The following CELF2 variants were observed in gnomAD, a reference collection of about 807,000 sequenced individuals.
The protein encoded by CELF2 is CUG triplet repeat RNA-binding protein 2.
In CELF2, 8 loss-of-function variants were observed where a neutral mutation model predicts 62.6. That is an observed-to-expected ratio of 0.13 (90% confidence interval 0.07 to 0.23). CELF2 has a LOEUF of 0.23. CELF2 is among the 10% of genes least tolerant of loss of function. The pLI is 1.00. For missense variants in CELF2, 333 were observed against 671.0 expected (o/e 0.50, Z 5.56); for synonymous variants, 258 against 250.0 (o/e 1.03, Z -0.30).
At chr10:10,623,017 C>T in the CELF2 span, among the ~76,000 whole-genome samples, 1 of 133,310 alleles carries the variant, frequency 7.5e-6, no homozygotes, top group African/African-American at 2.8e-5. Flanking sequence ...ACCCGGGAGG[C>T]GGAGCTTGCA....
At chr10:10,730,804 A>G in the CELF2 span, among the ~76,000 whole-genome samples, 2 of 152,182 alleles carry the variant, frequency 1.3e-5, no homozygotes, top group Admixed American at 1.3e-4. Flanking sequence ...GGGCCAGCTC[A>G]CTGCTAGTGG....
At chr10:10,647,859 C>G in the CELF2 span, among the ~76,000 whole-genome samples, 1 of 152,292 alleles carries the variant, frequency 6.6e-6, no homozygotes, top group Middle Eastern at 3.4e-3. Flanking sequence ...TTAGAAAACA[C>G]TAGTTTGCCA....
intron 1 of CELF2, among the ~76,000 whole-genome samples, chr10:11,094,294 CCAT>C (rs1347411348): frequency 6.6e-6 from 1 of 152,166 alleles, no homozygotes; most frequent in Non-Finnish European, 1.5e-5. Flanking sequence ...TTCTAAAATG[CCAT>C]CATTTGTAAG....
At chr10:10,596,860 C>G in the CELF2 span, among the ~76,000 whole-genome samples, 1 of 152,212 alleles carries the variant, frequency 6.6e-6, no homozygotes, top group Non-Finnish European at 1.5e-5. Flanking sequence ...TTCACCCTTG[C>G]TGTGAATGGA....
chr10:10,999,687 G>A (rs2054327685), intron 2 of CELF2, among the ~76,000 whole-genome samples: 1 of 152,190 alleles, frequency 6.6e-6, no homozygotes. Context: ...GGTCTCTCTT[G>A]CATTTCCGTC....
At chr10:10,942,703 G>A (rs1326256418) in intron 2 of CELF2, among the ~76,000 whole-genome samples, 2 of 152,200 alleles carry the variant, frequency 1.3e-5, no homozygotes, top group African/African-American at 2.4e-5. Context: ...CCAAGAGGTA[G>A]GGATCACTGG....
chr10:10,878,513 G>C (rs920542121), intron 1 of CELF2, among the ~76,000 whole-genome samples: 3 of 152,322 alleles, frequency 2.0e-5, no homozygotes, highest in African/African-American at 4.8e-5. Context: ...GGGGGCTTCT[G>C]TCTGCTCTTT....
the CELF2 span, among the ~76,000 whole-genome samples, chr10:10,628,439 T>C: frequency 1.3e-5 from 2 of 152,106 alleles, no homozygotes; most frequent in Non-Finnish European, 1.5e-5. Flanking sequence ...GTTTCCCCAA[T>C]TCTCCCCCAA....
chr10:11,220,377 G>C lies in CELF2; in HGVS notation c.354+2870G>C, dbSNP rs2064478135. Reference sequence around the variant, plus strand: ...CTTTCTTGAGGGACACAAAGAACTTGGTTAGTTAGGAAGCAGAAACAAGTT... The same window carrying C: ...CTTTCTTGAGGGACACAAAGAACTTCGTTAGTTAGGAAGCAGAAACAAGTT... On this transcript the variant is annotated intron_variant, in intron 3 of 12. Transcript: ENST00000633077. The surrounding 1 kb of genome is among the most constrained non-coding windows in gnomAD (Gnocchi z 4.4). Among the ~76,000 whole-genome samples the C allele has an allele frequency of 6.6e-6, 1 of 152,128 alleles. No homozygotes were observed. The highest frequency in any genetic ancestry group is 1.9e-4 in the East Asian group (1 of 5,200).
chr10:10,619,506 C>A, the CELF2 span, among the ~76,000 whole-genome samples: 3 of 152,268 alleles, frequency 2.0e-5, no homozygotes, highest in South Asian at 6.2e-4. Flanking sequence ...GTTGTGTTGG[C>A]GAACACACCA....
intron 1 of CELF2, among the ~76,000 whole-genome samples, chr10:10,813,114 C>G (rs1170693254): frequency 1.3e-5 from 2 of 152,320 alleles, no homozygotes; most frequent in East Asian, 3.9e-4. Flanking sequence ...TCCTCATTTT[C>G]TTTCAAGGCT....
the CELF2 span, among the ~76,000 whole-genome samples, chr10:10,766,117 G>GCACAGTTA: frequency 3.3e-5 from 5 of 152,320 alleles, no homozygotes; most frequent in African/African-American, 1.2e-4. Context: ...CTAACTTGGT[G>GCACAGTTA]GAAACTAAGA....
At chr10:11,025,427 C>T (rs914791361) in intron 1 of CELF2, among the ~76,000 whole-genome samples, 1 of 152,024 alleles carries the variant, frequency 6.6e-6, no homozygotes, top group Non-Finnish European at 1.5e-5. Flanking sequence ...AGCGAGTTCT[C>T]ACGAGATCCG....
chr10:10,616,340 A>G, the CELF2 span, among the ~76,000 whole-genome samples: 8 of 139,482 alleles, frequency 5.7e-5, no homozygotes, highest in South Asian at 1.7e-3. Context: ...GTGATTATCT[A>G]AAATTTTAGA....
In CELF2 at chr10:11,285,834, T is replaced by TTG. The variant is rs1182263396; in HGVS notation, c.842-2584_842-2583insTG. 5.0e-5 allele frequency among the ~76,000 whole-genome samples: 1 copy of TTG among 20,190 alleles called. No individual in the cohort carries two copies. Among genetic ancestry groups the TTG allele is most frequent in the African/African-American group, 1.7e-4 (1 of 6,042 alleles). The allele number at this position is 20,190 out of a possible 152,430, so 13.2% of individuals were successfully genotyped here. On this transcript the variant is annotated intron_variant, in intron 8 of 12. Transcript: ENST00000633077. This position sits in a 1 kb window ranked among gnomAD's most constrained non-coding sequence, Gnocchi z 4.3. ...CACCTACTATATATATTGGTGTGTG[T>TTG]GTGTGTGTGTGTGTGTGTGTGTGTG...
At position 11,068,186 on chromosome 10, in the gene CELF2, G is replaced by C. The variant is rs10905894; in HGVS notation, c.74+50023G>C. Among the ~76,000 whole-genome samples, 57 of 152,078 alleles carry C rather than the reference G, an allele frequency of 3.7e-4. 1 individual carries two copies. The highest frequency in any genetic ancestry group is 3.0e-3 in the Admixed American group (46 of 15,284). On this transcript the variant is annotated intron_variant, in intron 1 of 12. Transcript: ENST00000633077. ...GATGCTGAGGAAACACAGTCTCTAC[G>C]CTTATTTAAAGTTTATTGAGAGAGC...
the CELF2 span, among the ~76,000 whole-genome samples, chr10:10,560,629 A>T: frequency 6.6e-6 from 1 of 152,188 alleles, no homozygotes. Context: ...AAAGAAATAA[A>T]AGTAGAACTA....
the CELF2 span, among the ~76,000 whole-genome samples, chr10:10,712,642 A>G: frequency 1.3e-5 from 2 of 152,182 alleles, no homozygotes; most frequent in African/African-American, 4.8e-5. Context: ...CCTACCTGGC[A>G]TCTTCATCTG....
intron 1 of CELF2, among the ~76,000 whole-genome samples, chr10:11,158,398 T>A (rs2064991224): frequency 6.6e-6 from 1 of 152,158 alleles, no homozygotes; most frequent in Non-Finnish European, 1.5e-5. Flanking sequence ...CTTGTGGTGA[T>A]TGTTTCCCTG....
Sources: allele counts gnomAD v4.1 joint callset (sites outside exome capture counted in the v4.1 genomes callset), GRCh38; gene constraint gnomAD v4.1.1; non-coding constraint Gnocchi (gnomAD v3.1); transcripts MANE v1.5; gene names NCBI Gene and HGNC (gene_info 2026-07-23, HGNC 2026-07-21).